The following HDGFL3 variants were observed in gnomAD, a reference collection of about 807,000 sequenced individuals.
HDGFL3 encodes HDGF like 3, also known as hepatoma-derived growth factor-related protein 3.
In HDGFL3, 6 loss-of-function variants were observed where a neutral mutation model predicts 27.6. That is an observed-to-expected ratio of 0.22 (90% CI 0.12 to 0.43). The LOEUF (loss-of-function observed/expected upper bound fraction) is 0.43. Ranked by LOEUF, HDGFL3 falls within the 20% of genes least tolerant of loss-of-function variation. The pLI is 1.00. For missense variants in HDGFL3, 207 were observed against 250.1 expected, an observed-to-expected ratio of 0.83 and a Z score of 1.16; for synonymous variants, 88 against 88.9, an observed-to-expected ratio of 0.99 and a Z score of 0.05.
At chr15:83,149,872 T>C (rs557841195) in intron 5 of HDGFL3, among the ~76,000 whole-genome samples, 3 of 152,182 alleles carry the variant, frequency 2.0e-5, no homozygotes, top group East Asian at 1.9e-4. Flanking sequence ...AGATGTGGTA[T>C]AGAAGAAGGG....
intron 1 of HDGFL3, among the ~76,000 whole-genome samples, chr15:83,164,699 G>T (rs2037147437): frequency 6.6e-6 from 1 of 152,088 alleles, no homozygotes; most frequent in African/African-American, 2.4e-5. Flanking sequence ...AAAAAATAAA[G>T]ATATTTCAGC....
Position 83,132,362 on chromosome 15 carries a change from A to T in HDGFL3, c.*6908T>A, listed in dbSNP as rs2036311025. ...AGAAACTGGGTGAAAGCTTTGGGAC[A>T]GACTCACCATGGGCTTGGTAAGGAG... is the stretch of plus-strand genomic sequence containing the variant. On this transcript the variant is annotated 3_prime_UTR_variant, in exon 6 of 6. Coordinates refer to ENST00000299633, the MANE Select transcript of HDGFL3 (RefSeq NM_016073.4). The T allele has an allele frequency of 6.6e-6, 1 of 152,262 alleles. No individual in the cohort carries two copies. Among genetic ancestry groups the T allele is most frequent in the Non-Finnish European group, 1.5e-5 (1 of 68,060 alleles). 9.4% of individuals were successfully genotyped at this position (152,262 alleles called of 1,614,324 possible).
Position 83,130,926 on chromosome 15 carries a change from A to G in HDGFL3, c.*8344T>C, listed in dbSNP as rs1264022170. On this transcript the variant is annotated 3_prime_UTR_variant, in exon 6 of 6. Coordinates refer to ENST00000299633, the MANE Select transcript of HDGFL3 (RefSeq NM_016073.4). The stretch of plus-strand genomic sequence containing the variant: ...GGCAACATGGTAAAACCCCATCTCT[A>G]CAAAAAATACAAAAATTAGGCTGGC... The G allele has an allele frequency of 6.6e-6, 1 of 152,058 alleles. No individual in the cohort carries two copies. The highest frequency in any genetic ancestry group is 2.4e-5 in the African/African-American group (1 of 41,392). 9.4% of individuals were successfully genotyped at this position (152,058 alleles called of 1,614,324 possible).
chr15:83,123,339 T>C (rs936995177), downstream of HDGFL3, among the ~76,000 whole-genome samples: 5 of 152,160 alleles, frequency 3.3e-5, no homozygotes, highest in Non-Finnish European at 7.4e-5. Context: ...TCCAGGCCCA[T>C]AGAGACTGGC....
Position 83,129,260 on chromosome 15 carries a change from C to T in HDGFL3, c.*10010G>A, listed in dbSNP as rs1448141460. Reference sequence around the variant, plus strand: ...AAACCACGTTAAAAGTTTTACTTACCTATTTGTCTAAGGATAGGCTATGTG... The same window carrying T: ...AAACCACGTTAAAAGTTTTACTTACTTATTTGTCTAAGGATAGGCTATGTG... On this transcript the variant is annotated 3_prime_UTR_variant, in exon 6 of 6. Coordinates refer to ENST00000299633, the MANE Select transcript of HDGFL3 (RefSeq NM_016073.4). 1 of 152,200 alleles carries T rather than the reference C, an allele frequency of 6.6e-6. No individual in the cohort carries two copies. Among genetic ancestry groups the T allele is most frequent in the East Asian group, 1.9e-4 (1 of 5,202 alleles). The allele number at this position is 152,200 out of a possible 1,614,324, so 9.4% of individuals were successfully genotyped here.
chr15:83,181,064 G>A (rs1485255523), intron 1 of HDGFL3: 1 of 151,982 alleles, frequency 6.6e-6, no homozygotes, highest in Non-Finnish European at 1.5e-5. Flanking sequence ...ATATAAAAAC[G>A]ACCATCTACT....
chr15:83,141,463 G>A (rs548129299), intron 5 of HDGFL3, among the ~76,000 whole-genome samples: 51 of 152,188 alleles, frequency 3.4e-4, no homozygotes, highest in Non-Finnish European at 6.5e-4. Flanking sequence ...AATTTGGCAC[G>A]TTATAACAAA....
chr15:83,171,609 G>A (rs1206208801), intron 1 of HDGFL3, among the ~76,000 whole-genome samples: 4 of 152,138 alleles, frequency 2.6e-5, no homozygotes, highest in African/African-American at 9.7e-5. Flanking sequence ...TGCAGCTGGA[G>A]GCCATTATCT....
intron 3 of HDGFL3, chr15:83,121,898 T>C: frequency 6.4e-7 from 1 of 1,567,410 alleles, no homozygotes; most frequent in South Asian, 1.2e-5. Context: ...CAAGTCAAGA[T>C]TTTTTTGTTG....
chr15:83,157,477 C>T lies in HDGFL3; in HGVS notation c.397G>A (p.Gly133Arg). The T allele has an allele frequency of 3.1e-6, 5 of 1,613,032 alleles. No individual in the cohort carries two copies. The highest frequency in any genetic ancestry group is 4.2e-6 in the Non-Finnish European group (5 of 1,179,132). The change falls in exon 4 of 6, where the codon GGA (glycine) becomes AGA (arginine). Residue 133 changes from glycine to arginine, a missense_variant. Gly to Arg is a moderately radical substitution (Grantham distance 125). Transcript: ENST00000299633. Reference sequence around the variant, plus strand: ...TTTTCATTCTTTCTTTTGCCTTTTCCATCTTCTTCTACTCTATCACCTTCT... The same window carrying T: ...TTTTCATTCTTTCTTTTGCCTTTTCTATCTTCTTCTACTCTATCACCTTCT... ...EEEGDRVEED[G>R]KGKRKNEKAG...
intron 3 of HDGFL3, chr15:83,115,885 C>T: frequency 6.2e-7 from 1 of 1,614,202 alleles, no homozygotes; most frequent in Non-Finnish European, 8.5e-7. Context: ...TGAACCTCAT[C>T]ATAGGACTGG....
intron 1 of HDGFL3, among the ~76,000 whole-genome samples, chr15:83,174,527 G>GAATA (rs35569811): frequency 0.25 from 37,926 of 150,294 alleles, 5,099 homozygotes; most frequent in African/African-American, 0.35. Flanking sequence ...AAATGAATCT[G>GAATA]TATAATATGA....
In HDGFL3 at chr15:83,131,881, T is replaced by C. The variant is rs1017496148; in HGVS notation, c.*7389A>G. On this transcript the variant is annotated 3_prime_UTR_variant, in exon 6 of 6. Coordinates refer to ENST00000299633, the MANE Select transcript of HDGFL3 (RefSeq NM_016073.4). ...TGCAAGTGTAATCTGAAAGGCATTA[T>C]AGGCTGCTTAGATCCACTTATTAGC... 2.0e-5 allele frequency: 3 copies of C among 152,232 alleles called. No homozygotes were observed. Among genetic ancestry groups the C allele is most frequent in the Non-Finnish European group, 4.4e-5 (3 of 68,046 alleles). 9.4% of individuals were successfully genotyped at this position (152,232 alleles called of 1,614,324 possible). A position where few individuals can be genotyped will look rare whatever the true frequency, so the allele number is the denominator to read the frequency against.
chr15:83,139,856 T>C (rs186206276), intron 5 of HDGFL3, among the ~76,000 whole-genome samples: 82 of 152,344 alleles, frequency 5.4e-4, no homozygotes, highest in Non-Finnish European at 1.0e-3. Flanking sequence ...ATGGCATCCG[T>C]GTGACAAACA....
intron 4 of HDGFL3, among the ~76,000 whole-genome samples, chr15:83,152,376 A>C (rs180698983): frequency 6.6e-6 from 1 of 151,852 alleles, no homozygotes; most frequent in Non-Finnish European, 1.5e-5. Context: ...CTTGGCCAAC[A>C]TGGCAAAACC....
chr15:83,201,600 G>C (rs1410642299), intron 1 of HDGFL3, among the ~76,000 whole-genome samples: 4 of 152,086 alleles, frequency 2.6e-5, no homozygotes, highest in Non-Finnish European at 4.4e-5. Flanking sequence ...TTTCAATGAA[G>C]TTGTACATAA....
intron 5 of HDGFL3, among the ~76,000 whole-genome samples, chr15:83,141,153 A>T (rs953809675): frequency 2.0e-5 from 3 of 152,174 alleles, no homozygotes; most frequent in Admixed American, 6.5e-5. Flanking sequence ...TGGACATGGT[A>T]CTCTGACTGT....
At chr15:83,195,077 A>C (rs1332532158) in intron 1 of HDGFL3, among the ~76,000 whole-genome samples, 1 of 152,156 alleles carries the variant, frequency 6.6e-6, no homozygotes, top group Non-Finnish European at 1.5e-5. Flanking sequence ...ATCGTATGAC[A>C]AAAAAAGCTG....
intron 3 of HDGFL3, among the ~76,000 whole-genome samples, chr15:83,121,157 G>A (rs571386762): frequency 2.0e-5 from 3 of 151,462 alleles, no homozygotes; most frequent in East Asian, 2.0e-4. Flanking sequence ...TGTAACCTCT[G>A]CCTCCCAGGT....
Sources: allele counts gnomAD v4.1 joint callset (sites outside exome capture counted in the v4.1 genomes callset), GRCh38; gene constraint gnomAD v4.1.1; transcripts MANE v1.5; gene names NCBI Gene and HGNC (gene_info 2026-07-23, HGNC 2026-07-21).